ADAMTS12: variants seen among roughly 807,000 people sequenced by gnomAD.
ADAMTS12 encodes the protein A disintegrin and metalloproteinase with thrombospondin motifs 12.
A neutral mutation model predicts 167.8 loss-of-function variants in ADAMTS12; 118 were observed. The ratio of observed to expected loss-of-function variants is 0.70; its 90% CI spans 0.61 to 0.82. The LOEUF is 0.82. ADAMTS12 is among the 40% of genes least tolerant of loss of function. ADAMTS12 has a pLI of 0.00. For missense variants in ADAMTS12, 1,916 were observed against 1,998.8 expected, an observed-to-expected ratio of 0.96 and a Z score of 0.79; for synonymous variants, 704 against 716.9, an observed-to-expected ratio of 0.98 and a Z score of 0.29.
chr5:33,689,715 C>G (rs570679208), intron 3 of ADAMTS12, among the ~76,000 whole-genome samples: 32 of 152,320 alleles, frequency 2.1e-4, no homozygotes, highest in Middle Eastern at 3.4e-3. Flanking sequence ...CTATTGATAG[C>G]TGCTTGCTCC....
At chr5:33,585,649 T>C (rs408758) in intron 18 of ADAMTS12, among the ~76,000 whole-genome samples, 55,390 of 152,060 alleles carry the variant, frequency 0.36, 10,395 homozygotes, top group South Asian at 0.45. Context: ...CTGGTCTCTG[T>C]TTACAATAGA....
At chr5:33,603,187 T>G (rs1422295012) in intron 16 of ADAMTS12, among the ~76,000 whole-genome samples, 1 of 152,186 alleles carries the variant, frequency 6.6e-6, no homozygotes, top group Non-Finnish European at 1.5e-5. Flanking sequence ...GAAATTTTGG[T>G]TAGACGCTAT....
chr5:33,698,966 G>A (rs1313405891), intron 3 of ADAMTS12, among the ~76,000 whole-genome samples: 2 of 152,178 alleles, frequency 1.3e-5, no homozygotes, highest in Non-Finnish European at 2.9e-5. Flanking sequence ...AGACAAGCCT[G>A]GCCAACATGG....
Position 33,543,068 on chromosome 5 carries a change from T to C in ADAMTS12, c.4446+2991A>G, listed in dbSNP as rs142767492. On this transcript the variant is annotated intron_variant, in intron 22 of 23. Transcript: ENST00000504830. ...ACAAACCCTTCAAAAACTGAATGAA[T>C]CCAGGAGCTGGTTTTTTGAAAAGAT... Among the ~76,000 whole-genome samples, 73 of 152,216 alleles carry C rather than the reference T, an allele frequency of 4.8e-4. No homozygotes were observed. The East Asian group carries it at 0.012, about 26-fold the overall frequency.
intron 13 of ADAMTS12, among the ~76,000 whole-genome samples, chr5:33,630,003 C>T (rs1739846737): frequency 6.6e-6 from 1 of 152,184 alleles, no homozygotes; most frequent in Admixed American, 6.5e-5. Context: ...TGACAGAAGA[C>T]TGAGTCTTAG....
intron 2 of ADAMTS12, among the ~76,000 whole-genome samples, chr5:33,839,165 C>G (rs902205642): frequency 1.3e-5 from 2 of 152,228 alleles, no homozygotes; most frequent in Non-Finnish European, 2.9e-5. Context: ...TTAATCTTCT[C>G]TCCATATGTG....
At chr5:33,823,174 C>T (rs1747927318) in intron 2 of ADAMTS12, among the ~76,000 whole-genome samples, 1 of 151,740 alleles carries the variant, frequency 6.6e-6, no homozygotes, top group Non-Finnish European at 1.5e-5. Flanking sequence ...ATATTGACTG[C>T]ATTATCTATT....
chr5:33,542,258 G>A (rs1022441654), intron 22 of ADAMTS12, among the ~76,000 whole-genome samples: 3 of 152,106 alleles, frequency 2.0e-5, no homozygotes, highest in African/African-American at 7.2e-5. Context: ...ATTACATAAT[G>A]GTAAAGGGAC....
intron 3 of ADAMTS12, among the ~76,000 whole-genome samples, chr5:33,708,772 A>T (rs1276846415): frequency 1.3e-5 from 2 of 152,086 alleles, no homozygotes; most frequent in African/African-American, 4.8e-5. Flanking sequence ...CAGGGAGGAG[A>T]ACATCACACA....
intron 19 of ADAMTS12, among the ~76,000 whole-genome samples, chr5:33,573,853 A>G (rs527304948): frequency 3.0e-4 from 46 of 152,366 alleles, no homozygotes; most frequent in African/African-American, 1.0e-3. Context: ...CTCATCTGAC[A>G]AAGGGCTAAT....
At chr5:33,667,262 G>A (rs1741505627) in intron 5 of ADAMTS12, among the ~76,000 whole-genome samples, 1 of 139,000 alleles carries the variant, frequency 7.2e-6, no homozygotes, top group South Asian at 2.3e-4. Context: ...AGGTTGCAGT[G>A]AGCCAAGATC....
At chr5:33,592,691 A>T (rs545460163) in intron 17 of ADAMTS12, among the ~76,000 whole-genome samples, 1 of 151,374 alleles carries the variant, frequency 6.6e-6, no homozygotes, top group South Asian at 2.1e-4. Context: ...ATTAAATCTT[A>T]AAAAAATCTC....
intron 22 of ADAMTS12, 33 bp from the exon 23 acceptor site, chr5:33,535,025 C>T: frequency 6.4e-7 from 1 of 1,560,982 alleles, no homozygotes; most frequent in South Asian, 1.2e-5. Context: ...AGTCAGAAGT[C>T]CTCCCCACGA....
chr5:33,869,033 A>C (rs1310865613), intron 2 of ADAMTS12, among the ~76,000 whole-genome samples: 3 of 152,218 alleles, frequency 2.0e-5, no homozygotes, highest in Non-Finnish European at 4.4e-5. Flanking sequence ...GAATGTTAAT[A>C]GTCAAGACAA....
At chr5:33,630,368 C>T (rs1739862439) in intron 13 of ADAMTS12, among the ~76,000 whole-genome samples, 1 of 152,158 alleles carries the variant, frequency 6.6e-6, no homozygotes, top group Admixed American at 6.6e-5. Flanking sequence ...TGCCGTCTCT[C>T]TGAGAAGCTC....
intron 3 of ADAMTS12, among the ~76,000 whole-genome samples, chr5:33,707,913 C>T (rs1419715139): frequency 6.6e-6 from 1 of 152,098 alleles, no homozygotes; most frequent in Non-Finnish European, 1.5e-5. Context: ...ATGACTAAAA[C>T]ACCAAAAGCA....
chr5:33,616,180 T>G, intron 14 of ADAMTS12, 108 bp from the exon 15 acceptor site: 4 of 1,453,282 alleles, frequency 2.8e-6, no homozygotes, highest in Non-Finnish European at 3.7e-6. Flanking sequence ...CATCATTTAG[T>G]GACCTTGCTG....
chr5:33,790,569 A>G (rs929682356), intron 2 of ADAMTS12, among the ~76,000 whole-genome samples: 5 of 150,532 alleles, frequency 3.3e-5, no homozygotes, highest in East Asian at 1.9e-4. Context: ...AAAAAAAAAA[A>G]AAGAAAAAAG....
intron 3 of ADAMTS12, among the ~76,000 whole-genome samples, chr5:33,736,640 C>T (rs1012627283): frequency 3.3e-5 from 5 of 152,198 alleles, no homozygotes; most frequent in African/African-American, 1.2e-4. Context: ...GAAGACATTC[C>T]AATAATGATG....
Sources: gnomAD v4.1 joint callset for allele counts (sites outside exome capture counted in the v4.1 genomes callset) on GRCh38, gnomAD v4.1.1 for gene constraint, MANE v1.5 for transcripts, NCBI Gene and HGNC (gene_info 2026-07-23, HGNC 2026-07-21) for gene names.